Variants in SLC12A6 observed in about 807,000 individuals in gnomAD.
SLC12A6 encodes solute carrier family 12 member 6.
Under a neutral mutation model 135.3 loss-of-function variants are expected in SLC12A6, and 66 were observed. The observed-to-expected ratio is 0.49, with a 90% CI of 0.40 to 0.60. The LOEUF (loss-of-function observed/expected upper bound fraction) is 0.60, where lower values mean the gene tolerates loss of function less well. SLC12A6 is among the 20% of genes least tolerant of loss of function. The pLI is 0.00. For synonymous variants in SLC12A6, 513 were observed against 508.8 expected (o/e 1.01, Z -0.11); for missense variants, 1,058 against 1,452.3 (o/e 0.73, Z 4.41).
chr15:34,335,100 G>T (rs938301831), intron 2 of SLC12A6, among the ~76,000 whole-genome samples: 78 of 152,078 alleles, frequency 5.1e-4, no homozygotes, highest in African/African-American at 1.8e-3. Context: ...ACCACAATTT[G>T]GAATTAATTT....
At position 34,310,303 on chromosome 15, in the gene SLC12A6, GT is replaced by G. The variant is rs1566860193; in HGVS notation, c.271+26106del. Among the ~76,000 whole-genome samples, 44 of 83,944 alleles carry G rather than the reference GT, an allele frequency of 5.2e-4. 1 individual carries two copies. Among genetic ancestry groups the G allele is most frequent in the African/African-American group, 5.0e-3 (42 of 8,476 alleles). 55.1% of individuals were successfully genotyped at this position (83,944 alleles called of 152,430 possible). A position where few individuals can be genotyped will look rare whatever the true frequency, so the allele number is the denominator to read the frequency against. ...TGGTGTTGAACTCCTGGGCTCAAGT[GT>G]GTGTGTGTGTGTGTGTGTGTGTCCC... On this transcript the variant is annotated intron_variant, in intron 2 of 25. Transcript: ENST00000354181.
At position 34,260,965 on chromosome 15, in the gene SLC12A6, T is replaced by C. The variant is rs753224246; in HGVS notation, c.372A>G (p.Glu124=). ...AATTTTTATCAAAATATTCATCTCC[T>C]TCTTCATAATTGGAATTATTGAGAT... is the stretch of plus-strand genomic sequence containing the variant. ...NAYLNNSNYE[E]GDEYFDKNLA... The change falls in exon 4 of 26, where the codon GAA becomes GAG. Residue 124 remains glutamate, a synonymous_variant. Transcript: ENST00000354181. 1 of 1,570,850 alleles carries C rather than the reference T, an allele frequency of 6.4e-7. No individual in the cohort carries two copies. The highest frequency in any genetic ancestry group is 1.7e-5 in the Admixed American group (1 of 59,942).
At chr15:34,318,530 G>A in intron 2 of SLC12A6, 1 of 1,570,960 alleles carries the variant, frequency 6.4e-7, no homozygotes, top group Non-Finnish European at 8.8e-7. Context: ...ACATTTTATA[G>A]GTTCCAAAAG....
intron 18 of SLC12A6, 187 bp downstream of exon 18, chr15:34,241,046 T>C: frequency 1.5e-6 from 1 of 653,748 alleles, no homozygotes; most frequent in Non-Finnish European, 2.7e-6. Flanking sequence ...TAATAAATTG[T>C]AGAAATCTTG....
intron 2 of SLC12A6, among the ~76,000 whole-genome samples, chr15:34,317,130 T>G (rs1197948525): frequency 6.6e-6 from 1 of 152,234 alleles, no homozygotes; most frequent in Non-Finnish European, 1.5e-5. Context: ...AGATTAAACT[T>G]GCTTTCCACT....
intron 2 of SLC12A6, among the ~76,000 whole-genome samples, chr15:34,328,690 G>T (rs1310161496): frequency 6.6e-6 from 1 of 152,082 alleles, no homozygotes; most frequent in Non-Finnish European, 1.5e-5. Context: ...ACCAACCTGA[G>T]CAACATGGCA....
rs939279183 is a variant in SLC12A6, at chr15:34,233,533, G to A, written c.*348C>T. ...GAGATTCATCTTTAATGCTGAATAC[G>A]TACTTGACTTGCTTTTTTTCTTCAG... On this transcript the variant is annotated 3_prime_UTR_variant, in exon 26 of 26. Transcript: ENST00000354181. 5 of 289,524 alleles carry A rather than the reference G, an allele frequency of 1.7e-5. No homozygotes were observed. Among genetic ancestry groups the A allele is most frequent in the East Asian group, 1.6e-4 (2 of 12,842 alleles). 17.9% of individuals were successfully genotyped at this position (289,524 alleles called of 1,614,324 possible).
chr15:34,265,392 C>A, intron 3 of SLC12A6, among the ~76,000 whole-genome samples: 1 of 129,062 alleles, frequency 7.7e-6, no homozygotes. Context: ...GTAAAAACAA[C>A]AACAGCAATT....
intron 4 of SLC12A6, among the ~76,000 whole-genome samples, chr15:34,260,298 G>A (rs538439216): frequency 3.9e-5 from 6 of 152,130 alleles, no homozygotes; most frequent in African/African-American, 9.7e-5. Context: ...TTGCTCTGTC[G>A]CCCAGGCTGG....
At position 34,237,971 on chromosome 15, in the gene SLC12A6, G is replaced by A. The variant is rs376263513; in HGVS notation, c.2802+261C>T. Among the ~76,000 whole-genome samples, 111 of 152,238 alleles carry A rather than the reference G, an allele frequency of 7.3e-4. No homozygotes were observed. In the South Asian group the frequency reaches 0.022, roughly 30 times the overall value. On this transcript the variant is annotated intron_variant, in intron 21 of 25. Coordinates refer to ENST00000354181, the MANE Select transcript of SLC12A6 (RefSeq NM_001365088.1). The stretch of plus-strand genomic sequence containing the variant: ...TTTTCAGTATTTTTTAAAAAAAGAT[G>A]TGTTCACTTGTTGTTTTCCCCTAGG...
At chr15:34,292,108 C>T (rs1014810205) in intron 2 of SLC12A6, among the ~76,000 whole-genome samples, 1 of 152,168 alleles carries the variant, frequency 6.6e-6, no homozygotes, top group African/African-American at 2.4e-5. Flanking sequence ...CTGGTTTCTT[C>T]CCATCTTTGT....
intron 2 of SLC12A6, among the ~76,000 whole-genome samples, chr15:34,330,025 T>G (rs1226202498): frequency 6.6e-6 from 1 of 152,194 alleles, no homozygotes; most frequent in Non-Finnish European, 1.5e-5. Flanking sequence ...ATTATCACAA[T>G]GTCATAAACA....
At chr15:34,300,780 A>G (rs983522807) in intron 2 of SLC12A6, among the ~76,000 whole-genome samples, 28 of 124,884 alleles carry the variant, frequency 2.2e-4, no homozygotes, top group African/African-American at 9.5e-4. Flanking sequence ...TGGGAGACAG[A>G]GTGACTCCGT....
At chr15:34,249,221 A>G (rs1220918227) in intron 13 of SLC12A6, among the ~76,000 whole-genome samples, 1 of 152,182 alleles carries the variant, frequency 6.6e-6, no homozygotes, top group African/African-American at 2.4e-5. Context: ...ATGTGGATAA[A>G]GAATAGAGGA....
chr15:34,304,284 T>C (rs988614061), intron 2 of SLC12A6, among the ~76,000 whole-genome samples: 2 of 152,230 alleles, frequency 1.3e-5, no homozygotes, highest in Non-Finnish European at 2.9e-5. Context: ...TTCCATTATA[T>C]GGCTATATCA....
chr15:34,229,806 C>G lies in SLC12A6; in HGVS notation c.*4075G>C, dbSNP rs570454252. 1 of 1,612,494 alleles carries G rather than the reference C, an allele frequency of 6.2e-7. No individual in the cohort carries two copies. The highest frequency in any genetic ancestry group is 2.2e-5 in the East Asian group (1 of 44,868). ...TTTTGTGAACATGAGAAAGCAGCGC[C>G]TGGTCCCTATGTATTTGGGTCTTAT... On this transcript the variant is annotated 3_prime_UTR_variant, in exon 26 of 26. Coordinates refer to ENST00000354181, the MANE Select transcript of SLC12A6 (RefSeq NM_001365088.1).
In SLC12A6 at chr15:34,232,090, C is replaced by G. The variant is rs1320418645; in HGVS notation, c.*1791G>C. On this transcript the variant is annotated 3_prime_UTR_variant, in exon 26 of 26. Coordinates refer to ENST00000354181, the MANE Select transcript of SLC12A6 (RefSeq NM_001365088.1). ...AGAAAAGTTTCTCTAAATAACTATTCTGTAAAAGAAATGAAGATTTCACAT... is the reference window on the plus strand; with the variant it reads ...AGAAAAGTTTCTCTAAATAACTATTGTGTAAAAGAAATGAAGATTTCACAT... 2 of 152,296 alleles carry G rather than the reference C, an allele frequency of 1.3e-5. No individual in the cohort carries two copies. Among genetic ancestry groups the G allele is most frequent in the Middle Eastern group, 3.4e-3 (1 of 294 alleles). 9.4% of individuals were successfully genotyped at this position (152,296 alleles called of 1,614,324 possible).
chr15:34,312,667 A>G (rs140778832), intron 2 of SLC12A6, among the ~76,000 whole-genome samples: 40 of 152,310 alleles, frequency 2.6e-4, no homozygotes, highest in African/African-American at 9.1e-4. Context: ...ATATACAGGC[A>G]TACCTTGTTT....
At chr15:34,308,557 GGAGGTTGCAGTGAGCC>G (rs1887900502) in intron 2 of SLC12A6, among the ~76,000 whole-genome samples, 1 of 150,510 alleles carries the variant, frequency 6.6e-6, no homozygotes, top group Non-Finnish European at 1.5e-5. Context: ...CCTGGGAGGC[GGAGGTTGCAGTGAGCC>G]GAGACCACTC....
Sources: gnomAD v4.1 joint callset for allele counts (sites outside exome capture counted in the v4.1 genomes callset) on GRCh38, gnomAD v4.1.1 for gene constraint, MANE v1.5 for transcripts, NCBI Gene and HGNC (gene_info 2026-07-23, HGNC 2026-07-21) for gene names.